The following TXNDC16 variants were observed in gnomAD, a reference collection of about 807,000 sequenced individuals.
TXNDC16 encodes the protein thioredoxin domain-containing protein 16.
Under a neutral mutation model 85.6 loss-of-function variants are expected in TXNDC16, and 74 were observed. That is an observed-to-expected ratio of 0.86 (90% CI 0.72 to 1.05). TXNDC16 has a LOEUF of 1.05. Among genes scored for constraint, TXNDC16 ranks in the 50% least tolerant of loss-of-function variants. The pLI, the probability that TXNDC16 is intolerant of heterozygous loss-of-function variation, is 0.00. For synonymous variants in TXNDC16, 335 were observed against 326.5 expected (o/e 1.03, Z -0.28); for missense variants, 959 against 947.0 (o/e 1.01, Z -0.17).
Position 52,543,613 on chromosome 14 carries a change from T to G in TXNDC16, c.-56A>C. 6.3e-7 allele frequency: 1 copy of G among 1,590,512 alleles called. No homozygotes were observed. Among genetic ancestry groups the G allele is most frequent in the Non-Finnish European group, 8.5e-7 (1 of 1,169,678 alleles). ...TGTCTGTTTTTTCACTGCTGTGTTC[T>G]GTTTCCTAAGACAACACCTGGCACA... On this transcript the variant is annotated 5_prime_UTR_variant, in exon 3 of 21. Transcript: ENST00000281741.
chr14:52,476,823 G>A (rs567275448), intron 14 of TXNDC16, among the ~76,000 whole-genome samples: 92 of 152,254 alleles, frequency 6.0e-4, no homozygotes, highest in Admixed American at 1.0e-3. Flanking sequence ...GAAGCCCAGA[G>A]AAACCTGGGA....
rs149405999 is a variant in TXNDC16 at position 52,482,853 on chromosome 14, A to G, written c.1221T>C (p.Ala407=). The G allele has an allele frequency of 8.7e-6, 14 of 1,612,018 alleles. No homozygotes were observed. In the African/African-American group the frequency reaches 1.3e-4, roughly 15 times the overall value. Residue 407 remains alanine, a synonymous_variant, in exon 13 of 21, where the codon GCT becomes GCC. Coordinates refer to ENST00000281741, the MANE Select transcript of TXNDC16 (RefSeq NM_020784.3). ...CATAGAAGAGTACTATGCTGTCAGA[A>G]GCCATCACTGTTGCATTAAATGTTT... ...TEETFNATVM[A]SDSIVLFYAG...
intron 4 of TXNDC16, among the ~76,000 whole-genome samples, chr14:52,539,370 G>T (rs1320532570): frequency 6.6e-6 from 1 of 152,172 alleles, no homozygotes; most frequent in Non-Finnish European, 1.5e-5. Context: ...GTGGTTAACA[G>T]CACCTCCAGC....
chr14:52,529,549 TAATATATATAATGCCTATTATATATAA>T, intron 6 of TXNDC16, among the ~76,000 whole-genome samples: 1 of 96,726 alleles, frequency 1.0e-5, no homozygotes, highest in Non-Finnish European at 2.0e-5. Flanking sequence ...CTATTATATA[TAATATATATAATGCCTATTATATATAA>T]TATATATAAT....
At chr14:52,497,545 A>C (rs957411653) in intron 9 of TXNDC16, among the ~76,000 whole-genome samples, 3 of 152,234 alleles carry the variant, frequency 2.0e-5, no homozygotes, top group African/African-American at 7.2e-5. Flanking sequence ...CAGTATGAGC[A>C]ATATCCCTAA....
intron 6 of TXNDC16, among the ~76,000 whole-genome samples, chr14:52,534,143 C>A (rs970450919): frequency 6.6e-6 from 1 of 152,188 alleles, no homozygotes; most frequent in African/African-American, 2.4e-5. Flanking sequence ...GGACTCCTCA[C>A]TTTTCAGTGG....
rs2035866749 is a variant in TXNDC16, at chr14:52,469,999, T to C, written c.1618+38A>G. On this transcript the variant is annotated intron_variant, in intron 16 of 20. Coordinates refer to ENST00000281741, the MANE Select transcript of TXNDC16 (RefSeq NM_020784.3). Reference sequence around the variant, plus strand: ...AAAATAAAACTAGCAAGCAATGATATACTCTACTGTATAATTTAAAAGCTC... The same window carrying C: ...AAAATAAAACTAGCAAGCAATGATACACTCTACTGTATAATTTAAAAGCTC... 2.6e-6 allele frequency: 4 copies of C among 1,531,766 alleles called. No homozygotes were observed. In the African/African-American group the frequency reaches 4.2e-5, roughly 16 times the overall value. 94.9% of individuals were successfully genotyped at this position (1,531,766 alleles called of 1,614,324 possible).
At chr14:52,548,310 T>C (rs557567769) in intron 1 of TXNDC16, among the ~76,000 whole-genome samples, 1 of 152,170 alleles carries the variant, frequency 6.6e-6, no homozygotes, top group Admixed American at 6.5e-5. Context: ...CAACCCTTCA[T>C]ATTTATTGGG....
intron 8 of TXNDC16, among the ~76,000 whole-genome samples, chr14:52,513,953 T>A (rs2037018330): frequency 6.6e-6 from 1 of 152,030 alleles, no homozygotes; most frequent in Admixed American, 6.6e-5. Flanking sequence ...AAATCAGCAG[T>A]ACAGACAAAC....
chr14:52,526,465 G>A (rs2037338290), intron 6 of TXNDC16, among the ~76,000 whole-genome samples: 1 of 152,122 alleles, frequency 6.6e-6, no homozygotes, highest in Non-Finnish European at 1.5e-5. Context: ...GAAATCCTGT[G>A]TGGCTCTCCC....
intron 20 of TXNDC16, among the ~76,000 whole-genome samples, chr14:52,433,168 CAATA>C (rs1281862697): frequency 1.3e-5 from 2 of 152,034 alleles, no homozygotes; most frequent in East Asian, 1.9e-4. Flanking sequence ...TAATTATAGA[CAATA>C]AATAATTAAA....
chr14:52,453,193 G>A (rs1002298761), intron 18 of TXNDC16, among the ~76,000 whole-genome samples: 4 of 152,122 alleles, frequency 2.6e-5, no homozygotes, highest in Admixed American at 2.6e-4. Context: ...TGCTGGTGAG[G>A]ATGTGGAGAA....
intron 20 of TXNDC16, among the ~76,000 whole-genome samples, chr14:52,436,772 G>C (rs968223246): frequency 6.6e-6 from 1 of 152,022 alleles, no homozygotes; most frequent in African/African-American, 2.4e-5. Flanking sequence ...CCTGATAGTT[G>C]ACATAATATT....
chr14:52,505,082 C>T (rs867082091), intron 9 of TXNDC16, among the ~76,000 whole-genome samples: 6 of 152,038 alleles, frequency 3.9e-5, no homozygotes, highest in Admixed American at 2.6e-4. Context: ...AAGTTCTTAG[C>T]GACCTACAAA....
In TXNDC16 at chr14:52,432,168, T is replaced by TA. The variant is rs146815854; in HGVS notation, c.*135dup. On this transcript the variant is annotated 3_prime_UTR_variant, in exon 21 of 21. Coordinates refer to ENST00000281741, the MANE Select transcript of TXNDC16 (RefSeq NM_020784.3). ...AATGTAGTTACTAGAAAATTTTAAA[T>TA]AAAATATGTGACTTATATTATAATT... 3.7e-3 allele frequency: 2,752 copies of TA among 738,018 alleles called. 56 individuals carry two copies. In the African/African-American group the frequency reaches 0.045, roughly 12 times the overall value. The allele number at this position is 738,018 out of a possible 1,614,324, so 45.7% of individuals were successfully genotyped here.
chr14:52,535,111 C>G (rs1405548805), intron 6 of TXNDC16, among the ~76,000 whole-genome samples: 1 of 152,136 alleles, frequency 6.6e-6, no homozygotes, highest in African/African-American at 2.4e-5. Flanking sequence ...ACTTCTTTTT[C>G]TGTTTCTTCA....
intron 18 of TXNDC16, among the ~76,000 whole-genome samples, chr14:52,453,742 C>G (rs146173314): frequency 2.6e-5 from 4 of 152,222 alleles, no homozygotes; most frequent in Non-Finnish European, 5.9e-5. Context: ...AACTAGACTG[C>G]TATCTTTCAC....
chr14:52,497,900 A>C (rs62003346), intron 9 of TXNDC16, among the ~76,000 whole-genome samples: 1 of 144,716 alleles, frequency 6.9e-6, no homozygotes, highest in East Asian at 2.1e-4. Context: ...AAAAAAAAAA[A>C]CCTACCAAAC....
Position 52,536,840 on chromosome 14 carries a change from A to G in TXNDC16, c.318-47T>C, listed in dbSNP as rs1391357640. ...ATTAATATTGAAAAATACAAAAAAT[A>G]TTTCCTTAGAATTCAATTTACTTGT... On this transcript the variant is annotated intron_variant, in intron 5 of 20. Transcript: ENST00000281741. 2.1e-6 allele frequency: 3 copies of G among 1,446,340 alleles called. 1 individual carries two copies. The South Asian group carries it at 3.7e-5, about 18-fold the overall frequency. 89.6% of individuals were successfully genotyped at this position (1,446,340 alleles called of 1,614,324 possible).
Sources: gnomAD v4.1 joint callset for allele counts (sites outside exome capture counted in the v4.1 genomes callset) on GRCh38, gnomAD v4.1.1 for gene constraint, MANE v1.5 for transcripts, NCBI Gene and HGNC (gene_info 2026-07-23, HGNC 2026-07-21) for gene names.